IFI16: variants seen among roughly 807,000 people sequenced by gnomAD.
The protein encoded by IFI16 is interferon gamma inducible protein 16.
A neutral mutation model predicts 68.4 loss-of-function variants in IFI16; 49 were observed. The observed-to-expected ratio is 0.72, with a 90% CI of 0.57 to 0.91. The LOEUF is 0.91. Ranked by LOEUF, IFI16 falls within the 40% of genes least tolerant of loss-of-function variation. The probability of loss-of-function intolerance (pLI) is 0.00; values close to 1 mark genes in which losing one functional copy is unlikely to be tolerated. For missense variants in IFI16, 878 were observed against 942.9 expected, an observed-to-expected ratio of 0.93 and a Z score of 0.90; for synonymous variants, 307 against 315.0, an observed-to-expected ratio of 0.97 and a Z score of 0.27.
chr1:159,000,219 C>A, exon 1 of IFI16: 1 of 256,714 alleles, frequency 3.9e-6, no homozygotes, highest in South Asian at 7.7e-5. Flanking sequence ...ATATTAAACT[C>A]ATCTGGAAGA....
chr1:159,043,875 C>A (rs1414683660), intron 7 of IFI16, among the ~76,000 whole-genome samples: 3 of 152,290 alleles, frequency 2.0e-5, no homozygotes, highest in African/African-American at 4.8e-5. Flanking sequence ...AAGATTATAT[C>A]TCAAGACAAT....
At chr1:159,042,214 C>T (rs1464300375) in intron 7 of IFI16, among the ~76,000 whole-genome samples, 1 of 152,176 alleles carries the variant, frequency 6.6e-6, no homozygotes, top group East Asian at 1.9e-4. Context: ...ATGATAGGTT[C>T]TCTCACAAAT....
chr1:159,049,582 A>C lies in IFI16; in HGVS notation c.1648A>C (p.Ser550Arg), dbSNP rs1655216170. 2 of 1,602,600 alleles carry C rather than the reference A, an allele frequency of 1.2e-6. No individual in the cohort carries two copies. Among genetic ancestry groups the C allele is most frequent in the South Asian group, 2.2e-5 (2 of 89,054 alleles). ...TCAGATGCCTCCATCAACACCAAGCAGCAGTTTCTTAACCACGGTACAAGT... is the reference window on the plus strand; with the variant it reads ...TCAGATGCCTCCATCAACACCAAGCCGCAGTTTCTTAACCACGGTACAAGT... ...TPQMPPSTPS[S>R]SFLTTLKPRL... Residue 550 changes from serine (S) to arginine (R), a missense_variant, in exon 9 of 12, where the codon AGC becomes CGC. Ser to Arg is a moderately radical substitution (Grantham distance 110). Transcript: ENST00000295809.
At chr1:159,008,158 C>T (rs1189445678), upstream of IFI16, among the ~76,000 whole-genome samples, 3 of 152,028 alleles carry the variant, frequency 2.0e-5, no homozygotes, top group Admixed American at 6.5e-5. Context: ...AAATGGAACA[C>T]TCATTGTTCA....
chr1:159,016,745 A>G, intron 4 of IFI16, 45 bp downstream of exon 4: 3 of 1,545,166 alleles, frequency 1.9e-6, no homozygotes, highest in Non-Finnish European at 2.7e-6. Context: ...TTTCAACCCA[A>G]AGTAAAGGAC....
At chr1:159,027,530 G>A (rs1275395222) in intron 6 of IFI16, among the ~76,000 whole-genome samples, 2 of 152,102 alleles carry the variant, frequency 1.3e-5, no homozygotes, top group African/African-American at 2.4e-5. Context: ...GTATTAGGGT[G>A]ATACTGGCTT....
chr1:159,018,771 A>T (rs1250890744), intron 5 of IFI16, 120 bp downstream of exon 5: 1 of 710,388 alleles, frequency 1.4e-6, no homozygotes, highest in Non-Finnish European at 2.4e-6. Flanking sequence ...TCTGAAGACT[A>T]ATGACAGGTG....
At chr1:159,019,137 G>A (rs1956) in intron 5 of IFI16, among the ~76,000 whole-genome samples, 142,088 of 152,216 alleles carry the variant, frequency 0.93, 66,333 homozygotes, top group East Asian at 1. Flanking sequence ...CAGAAAGTAG[G>A]TAGGACAATG....
chr1:159,033,503 G>A (rs1007426582), intron 7 of IFI16, among the ~76,000 whole-genome samples: 2 of 152,188 alleles, frequency 1.3e-5, no homozygotes, highest in Admixed American at 1.3e-4. Flanking sequence ...GTTCTTACGT[G>A]TTGTTCCTGA....
At chr1:159,018,069 G>C (rs1438707826) in intron 4 of IFI16, among the ~76,000 whole-genome samples, 160 bp from the exon 5 acceptor site, 2 of 152,190 alleles carry the variant, frequency 1.3e-5, no homozygotes, top group East Asian at 3.8e-4. Context: ...ACCAGTTTAA[G>C]ATATCTTCTG....
At chr1:159,026,657 A>T (rs1653692803) in intron 6 of IFI16, among the ~76,000 whole-genome samples, 1 of 151,854 alleles carries the variant, frequency 6.6e-6, no homozygotes, top group East Asian at 1.9e-4. Context: ...ATGTGTTTCC[A>T]TTTGTTTGCG....
At chr1:159,045,686 A>G (rs1438072711) in intron 8 of IFI16, among the ~76,000 whole-genome samples, 1 of 151,300 alleles carries the variant, frequency 6.6e-6, no homozygotes, top group Non-Finnish European at 1.5e-5. Flanking sequence ...ATATCTTTTT[A>G]ATTTTATTTT....
chr1:159,054,621 C>T (rs560972896), intron 11 of IFI16, among the ~76,000 whole-genome samples, 200 bp from the exon 12 acceptor site: 23 of 152,208 alleles, frequency 1.5e-4, no homozygotes, highest in African/African-American at 4.8e-4. Context: ...TCTCATTTCA[C>T]GGTCCAAATT....
At chr1:159,007,036 A>G (rs1329991859), upstream of IFI16, among the ~76,000 whole-genome samples, 2 of 152,232 alleles carry the variant, frequency 1.3e-5, no homozygotes, top group African/African-American at 2.4e-5. Flanking sequence ...GATAATACAG[A>G]GAAAAATGGA....
chr1:159,043,686 G>A (rs551658395), intron 7 of IFI16, among the ~76,000 whole-genome samples: 470 of 152,130 alleles, frequency 3.1e-3, no homozygotes, highest in African/African-American at 0.011. Context: ...ATGCTGTTAC[G>A]TATCCTGAAG....
At chr1:159,038,258 A>C (rs1328305429) in intron 7 of IFI16, among the ~76,000 whole-genome samples, 4 of 152,292 alleles carry the variant, frequency 2.6e-5, no homozygotes, top group African/African-American at 7.2e-5. Flanking sequence ...CACAAGCCAT[A>C]ATAAGGTGCA....
chr1:159,039,385 C>T (rs2101892967), intron 7 of IFI16, among the ~76,000 whole-genome samples: 1 of 152,216 alleles, frequency 6.6e-6, no homozygotes, highest in East Asian at 1.9e-4. Flanking sequence ...TCGCTGTCAC[C>T]CAGGATGGAG....
intron 6 of IFI16, among the ~76,000 whole-genome samples, chr1:159,022,224 A>G (rs1356857863): frequency 6.6e-6 from 1 of 152,012 alleles, no homozygotes; most frequent in African/African-American, 2.4e-5. Flanking sequence ...TCGGCCTCCC[A>G]AAGTGCTGGG....
chr1:159,036,153 C>G (rs1159591321), intron 7 of IFI16, among the ~76,000 whole-genome samples: 1 of 152,194 alleles, frequency 6.6e-6, no homozygotes, highest in Non-Finnish European at 1.5e-5. Flanking sequence ...CGGATTTCTA[C>G]TTCGTAAGCA....
Sources: gnomAD v4.1 joint callset for allele counts (sites outside exome capture counted in the v4.1 genomes callset) on GRCh38, gnomAD v4.1.1 for gene constraint, MANE v1.5 for transcripts, NCBI Gene and HGNC (gene_info 2026-07-23, HGNC 2026-07-21) for gene names.